The following CHEK1 variants were observed in gnomAD, a reference collection of about 807,000 sequenced individuals.
The protein encoded by CHEK1 is serine/threonine-protein kinase Chk1.
Under a neutral mutation model 60.2 loss-of-function variants are expected in CHEK1, and 32 were observed. The observed-to-expected ratio is 0.53, with a 90% CI of 0.40 to 0.71. CHEK1 has a LOEUF of 0.71. Ranked by LOEUF, CHEK1 falls within the 30% of genes least tolerant of loss-of-function variation. The pLI is 0.00. For synonymous variants in CHEK1, 179 were observed against 187.2 expected, an observed-to-expected ratio of 0.96 and a Z score of 0.36; for missense variants, 399 against 564.6, an observed-to-expected ratio of 0.71 and a Z score of 2.97.
chr11:125,681,016 T>G (rs1942769504), downstream of CHEK1: 1 of 442,702 alleles, frequency 2.3e-6, no homozygotes, highest in Non-Finnish European at 4.0e-6. This position sits in a 1 kb window ranked among gnomAD's most constrained non-coding sequence, Gnocchi z 4.2. Context: ...GACCAATGAT[T>G]ATTTTCTGTG....
intron 11 of CHEK1, among the ~76,000 whole-genome samples, chr11:125,649,230 T>C (rs1941616726): frequency 6.6e-6 from 1 of 152,166 alleles, no homozygotes; most frequent in Non-Finnish European, 1.5e-5. Context: ...GGCTAGACTG[T>C]AGTGGCTACT....
chr11:125,661,711 T>C (rs575956871), downstream of CHEK1, among the ~76,000 whole-genome samples: 1 of 152,276 alleles, frequency 6.6e-6, no homozygotes, highest in East Asian at 1.9e-4. Context: ...TATTACAATA[T>C]GCATACTTGT....
chr11:125,657,129 G>A lies in CHEK1; in HGVS notation c.*1809G>A, dbSNP rs1941924460. 1 of 174,120 alleles carries A rather than the reference G, an allele frequency of 5.7e-6. No homozygotes were observed. The highest frequency in any genetic ancestry group is 1.2e-5 in the Non-Finnish European group (1 of 80,928). 10.8% of individuals were successfully genotyped at this position (174,120 alleles called of 1,614,324 possible). On this transcript the variant is annotated 3_prime_UTR_variant, in exon 13 of 13. Transcript: ENST00000438015. ...CTCCTATTATTAAAAATAAAAATGT[G>A]TAAAATTTACTACCTGAAGATAACA...
At chr11:125,659,077 T>C (rs1463977811), downstream of CHEK1, among the ~76,000 whole-genome samples, 1 of 152,206 alleles carries the variant, frequency 6.6e-6, no homozygotes, top group Non-Finnish European at 1.5e-5. Context: ...ATTTTTTTCC[T>C]TCATATGGCT....
chr11:125,642,966 C>T (rs552193178), intron 8 of CHEK1: 1 of 152,192 alleles, frequency 6.6e-6, no homozygotes, highest in South Asian at 2.1e-4. Context: ...TGAGGTTTAG[C>T]TAGGGATTGT....
At chr11:125,651,457 T>C (rs1941729986) in intron 11 of CHEK1, among the ~76,000 whole-genome samples, 1 of 151,864 alleles carries the variant, frequency 6.6e-6, no homozygotes, top group African/African-American at 2.4e-5. Flanking sequence ...CCTACTAATT[T>C]TTGTATTTTT....
downstream of CHEK1, among the ~76,000 whole-genome samples, chr11:125,661,444 T>C (rs112407730): frequency 1.4e-4 from 22 of 152,296 alleles, 1 homozygote; most frequent in African/African-American, 5.3e-4. Context: ...CCCCAGTAGC[T>C]GGGATTATAG....
At chr11:125,626,901 G>A (rs1024282866) in intron 2 of CHEK1, 68 bp downstream of exon 2, 9 of 1,510,224 alleles carry the variant, frequency 6.0e-6, no homozygotes, top group Admixed American at 5.1e-5. Context: ...TCACACTCTG[G>A]TGATTTAGAA....
chr11:125,644,349 T>G (rs906647315), intron 10 of CHEK1, 81 bp downstream of exon 10: 21 of 1,475,216 alleles, frequency 1.4e-5, no homozygotes, highest in East Asian at 9.1e-5. Context: ...TGTGTAAATC[T>G]TAGATATATA....
intron 13 of CHEK1, among the ~76,000 whole-genome samples, chr11:125,673,173 T>TG (rs141561179): frequency 0.075 from 11,375 of 151,086 alleles, 500 homozygotes; most frequent in African/African-American, 0.12. Flanking sequence ...CCTCTTTGCT[T>TG]GCACATCATA....
downstream of CHEK1, chr11:125,678,335 T>G (rs1942627090): frequency 6.3e-7 from 1 of 1,599,110 alleles, no homozygotes; most frequent in Non-Finnish European, 8.5e-7. Context: ...TTGGTGAAGC[T>G]GACAGAATGG....
At chr11:125,646,406 A>G (rs1390081232) in intron 11 of CHEK1, among the ~76,000 whole-genome samples, 5 of 152,092 alleles carry the variant, frequency 3.3e-5, no homozygotes, top group Non-Finnish European at 5.9e-5. Flanking sequence ...CTACTTTTTC[A>G]TCATTATGAA....
chr11:125,636,672 A>G (rs1941086376), intron 7 of CHEK1, among the ~76,000 whole-genome samples: 2 of 151,014 alleles, frequency 1.3e-5, no homozygotes, highest in African/African-American at 2.4e-5. Flanking sequence ...TTTTTTGTCT[A>G]TTTTGCTCAT....
At chr11:125,677,567 T>G (rs1661775238), downstream of CHEK1, among the ~76,000 whole-genome samples, 1 of 152,178 alleles carries the variant, frequency 6.6e-6, no homozygotes, top group Non-Finnish European at 1.5e-5. Context: ...ACTGGCATTT[T>G]GTATTTGTTT....
At chr11:125,633,036 T>C in intron 5 of CHEK1, 127 bp from the exon 6 acceptor site, 1 of 767,906 alleles carries the variant, frequency 1.3e-6, no homozygotes. Flanking sequence ...ATTTTGCTTA[T>C]TTTAAGAGAA....
intron 1 of CHEK1, chr11:125,626,257 T>G: frequency 1.9e-6 from 1 of 533,456 alleles, no homozygotes; most frequent in Admixed American, 3.2e-5. Flanking sequence ...TCCCAGCCCT[T>G]CCTTTCGCCT....
At chr11:125,657,187 T>TTTTGTG (rs140073080), downstream of CHEK1, 68 of 147,220 alleles carry the variant, frequency 4.6e-4, 1 homozygote, top group African/African-American at 1.7e-3. Context: ...CAACCTATGC[T>TTTTGTG]TGTGTGTGTG....
rs374495333 is a variant in CHEK1, at chr11:125,672,662, G to A, written c.*28-3266G>A. On this transcript the variant is annotated intron_variant, in intron 13 of 13. Transcript: ENST00000428830. ...GCATCCTCGTTCCATGGGAGAAGAG[G>A]TTCATAGATGGGCACATGTTCTCAC... 1.9e-6 allele frequency: 3 copies of A among 1,614,036 alleles called. No individual in the cohort carries two copies. In the African/African-American group the frequency reaches 4.0e-5, roughly 22 times the overall value.
Position 125,643,911 on chromosome 11 carries a change from T to C in CHEK1, c.923+11T>C. ...AAACAGTGCTTCTAGGTAAGACTGA[T>C]AAAGATTGAGTAGTTTTTGATTGTA... On this transcript the variant is annotated intron_variant, in intron 9 of 12. Coordinates refer to ENST00000438015, the MANE Select transcript of CHEK1 (RefSeq NM_001114122.3). The C allele has an allele frequency of 6.2e-7, 1 of 1,604,004 alleles. No individual in the cohort carries two copies. Among genetic ancestry groups the C allele is most frequent in the Non-Finnish European group, 8.5e-7 (1 of 1,173,294 alleles).
Sources: gnomAD v4.1 joint callset for allele counts (sites outside exome capture counted in the v4.1 genomes callset) on GRCh38, gnomAD v4.1.1 for gene constraint, Gnocchi (gnomAD v3.1) non-coding constraint, MANE v1.5 for transcripts, NCBI Gene and HGNC (gene_info 2026-07-23, HGNC 2026-07-21) for gene names.